The following SLC35F1 variants were observed in gnomAD, a reference collection of about 807,000 sequenced individuals.
The protein encoded by SLC35F1 is chromosome 6 open reading frame 169.
A neutral mutation model predicts 48.7 loss-of-function variants in SLC35F1; 14 were observed. That is an observed-to-expected ratio of 0.29 (90% confidence interval 0.19 to 0.45). SLC35F1 has a LOEUF of 0.45. SLC35F1 is among the 20% of genes least tolerant of loss of function. SLC35F1 has a pLI of 1.00. For missense variants in SLC35F1, 404 were observed against 500.0 expected (o/e 0.81, Z 1.83); for synonymous variants, 190 against 202.2 (o/e 0.94, Z 0.51).
intron 7 of SLC35F1, among the ~76,000 whole-genome samples, chr6:118,289,007 C>G (rs917796626): frequency 2.6e-5 from 4 of 152,168 alleles, no homozygotes; most frequent in Non-Finnish European, 5.9e-5. Context: ...ACCTACTTCC[C>G]TCACCCACCC....
chr6:118,299,903 A>G (rs1210836840), intron 7 of SLC35F1, among the ~76,000 whole-genome samples: 1 of 152,190 alleles, frequency 6.6e-6, no homozygotes, highest in Non-Finnish European at 1.5e-5. Context: ...ACATCTCTAA[A>G]CTATAGTTTT....
At chr6:118,175,481 CT>C (rs1774474679) in intron 2 of SLC35F1, among the ~76,000 whole-genome samples, 1 of 152,124 alleles carries the variant, frequency 6.6e-6, no homozygotes, top group Non-Finnish European at 1.5e-5. Flanking sequence ...TGAAATGAAA[CT>C]TTCTAACCAA....
At chr6:118,086,424 T>C (rs141897452) in intron 1 of SLC35F1, among the ~76,000 whole-genome samples, 210 of 152,350 alleles carry the variant, frequency 1.4e-3, no homozygotes, top group African/African-American at 5.0e-3. Context: ...TTAGGATACT[T>C]GAACTCACTC....
chr6:118,072,379 A>G (rs1336920983), intron 1 of SLC35F1, among the ~76,000 whole-genome samples: 1 of 152,094 alleles, frequency 6.6e-6, no homozygotes, highest in Non-Finnish European at 1.5e-5. Flanking sequence ...CCTGGCTAAC[A>G]TGGTGAAACC....
intron 5 of SLC35F1, 91 bp downstream of exon 5, chr6:118,275,706 T>G: frequency 6.3e-6 from 8 of 1,273,372 alleles, no homozygotes; most frequent in Middle Eastern, 2.6e-4. Context: ...AAATCAAGGC[T>G]GGAATCCAGA....
chr6:118,017,162 T>G (rs1287731207), intron 1 of SLC35F1, among the ~76,000 whole-genome samples: 1 of 152,234 alleles, frequency 6.6e-6, no homozygotes, highest in East Asian at 1.9e-4. Context: ...GGTGGTGTTC[T>G]GAATGTTGCC....
chr6:118,230,712 G>A (rs1452085854), intron 2 of SLC35F1, among the ~76,000 whole-genome samples: 2 of 152,212 alleles, frequency 1.3e-5, no homozygotes, highest in Non-Finnish European at 2.9e-5. Flanking sequence ...GGCTGGCGTG[G>A]TGGCTCATGC....
At chr6:118,072,927 G>A (rs1772759940) in intron 1 of SLC35F1, among the ~76,000 whole-genome samples, 3 of 152,142 alleles carry the variant, frequency 2.0e-5, no homozygotes, top group South Asian at 4.1e-4. Flanking sequence ...TCTAATTGGA[G>A]GTGGAGTAGG....
At chr6:117,923,296 T>C (rs1294932999) in intron 1 of SLC35F1, among the ~76,000 whole-genome samples, 1 of 152,014 alleles carries the variant, frequency 6.6e-6, no homozygotes, top group Non-Finnish European at 1.5e-5. Flanking sequence ...TCATTCCGTG[T>C]GTGCTTGTGG....
intron 1 of SLC35F1, among the ~76,000 whole-genome samples, chr6:118,033,360 C>T (rs1772080637): frequency 6.6e-6 from 1 of 152,100 alleles, no homozygotes; most frequent in Non-Finnish European, 1.5e-5. Flanking sequence ...CTTTTTAAAA[C>T]ATTAAGATGC....
chr6:118,084,322 G>A (rs536403284), intron 1 of SLC35F1, among the ~76,000 whole-genome samples: 90 of 152,138 alleles, frequency 5.9e-4, no homozygotes, highest in Non-Finnish European at 1.1e-3. Context: ...TGCCCAATCC[G>A]ATTGTCTTTC....
Position 117,907,885 on chromosome 6 carries a change from C to A in SLC35F1, c.159C>A (p.Arg53=). The A allele has an allele frequency of 1.3e-6, 2 of 1,489,804 alleles. No homozygotes were observed. Among genetic ancestry groups the A allele is most frequent in the Non-Finnish European group, 8.8e-7 (1 of 1,130,028 alleles). 92.3% of individuals were successfully genotyped at this position (1,489,804 alleles called of 1,614,324 possible). Residue 53 remains arginine (R), a synonymous_variant, in exon 1 of 8, where the codon CGC becomes CGA. Transcript: ENST00000360388. ...SSRAGVRQRI[R]KVLNREMLIS... is the part of the protein sequence containing the mutation. ...GGGCTGGCGTGCGCCAGAGGATCCGCAAAGTGCTGAACAGGTGAGCGGCGG... is the reference window on the plus strand; with the variant it reads ...GGGCTGGCGTGCGCCAGAGGATCCGAAAAGTGCTGAACAGGTGAGCGGCGG...
At chr6:117,987,035 T>G (rs1776856735) in intron 1 of SLC35F1, among the ~76,000 whole-genome samples, 2 of 152,192 alleles carry the variant, frequency 1.3e-5, no homozygotes, top group Non-Finnish European at 2.9e-5. Flanking sequence ...CTGCCAGGGT[T>G]GAAGGGATGC....
intron 1 of SLC35F1, among the ~76,000 whole-genome samples, chr6:117,911,334 TA>T (rs1217964947): frequency 6.6e-6 from 1 of 152,002 alleles, no homozygotes; most frequent in African/African-American, 2.4e-5. Flanking sequence ...CCAATCAATA[TA>T]TTGATTCAAA....
chr6:118,241,506 A>G (rs1775439708), intron 3 of SLC35F1, among the ~76,000 whole-genome samples: 2 of 152,076 alleles, frequency 1.3e-5, no homozygotes, highest in African/African-American at 4.8e-5. Context: ...GACATTTTCT[A>G]TTACTTTAGA....
At chr6:118,283,438 G>A (rs896185981) in intron 6 of SLC35F1, among the ~76,000 whole-genome samples, 3 of 152,160 alleles carry the variant, frequency 2.0e-5, no homozygotes, top group Admixed American at 6.5e-5. Flanking sequence ...GGCATGGTTA[G>A]TACTCAGAGA....
chr6:118,004,505 C>T (rs1468060240), intron 1 of SLC35F1, among the ~76,000 whole-genome samples: 2 of 152,140 alleles, frequency 1.3e-5, no homozygotes, highest in African/African-American at 4.8e-5. Context: ...CCTACCATCA[C>T]CTAAAATTCA....
intron 1 of SLC35F1, among the ~76,000 whole-genome samples, chr6:117,959,572 G>A (rs1364536184): frequency 3.9e-5 from 6 of 152,060 alleles, no homozygotes; most frequent in African/African-American, 1.4e-4. Context: ...CTGAGATGTA[G>A]GAAAATTAAA....
chr6:118,028,274 C>T (rs1771987322), intron 1 of SLC35F1, among the ~76,000 whole-genome samples: 1 of 152,004 alleles, frequency 6.6e-6, no homozygotes, highest in South Asian at 2.1e-4. Flanking sequence ...TTCTTCCACA[C>T]TATAATGAAC....
Sources: allele counts gnomAD v4.1 joint callset (sites outside exome capture counted in the v4.1 genomes callset), GRCh38; gene constraint gnomAD v4.1.1; transcripts MANE v1.5; gene names NCBI Gene and HGNC (gene_info 2026-07-23, HGNC 2026-07-21).